PTPRT: variants seen among roughly 807,000 people sequenced by gnomAD.
The protein encoded by PTPRT is receptor-type tyrosine-protein phosphatase T.
PTPRT carries 56 observed loss-of-function variants against 176.8 expected under a neutral mutation model. The ratio of observed to expected loss-of-function variants is 0.32; its 90% CI spans 0.26 to 0.40. The LOEUF (loss-of-function observed/expected upper bound fraction) is 0.40. Ranked by LOEUF, PTPRT falls within the 10% of genes least tolerant of loss-of-function variation. The pLI is 1.00. For missense variants in PTPRT, 1,540 were observed against 1,908.2 expected, an observed-to-expected ratio of 0.81 and a Z score of 3.60; for synonymous variants, 783 against 739.0, an observed-to-expected ratio of 1.06 and a Z score of -0.96.
chr20:43,130,601 T>G (rs1568802897), intron 1 of PTPRT, among the ~76,000 whole-genome samples: 1 of 151,954 alleles, frequency 6.6e-6, no homozygotes, highest in African/African-American at 2.4e-5. Context: ...TTTTTACATA[T>G]TGAAAAAAAA....
intron 9 of PTPRT, among the ~76,000 whole-genome samples, chr20:42,390,344 G>A (rs757742446): frequency 6.6e-6 from 1 of 152,164 alleles, no homozygotes; most frequent in Non-Finnish European, 1.5e-5. Flanking sequence ...TTGATTAATT[G>A]ATTAAGGAAA....
Position 42,162,014 on chromosome 20 carries a change from T to G in PTPRT, c.2492-472A>C, listed in dbSNP as rs560541381. Among the ~76,000 whole-genome samples the G allele has an allele frequency of 1.1e-4, 17 of 152,294 alleles. No homozygotes were observed. In the South Asian group the frequency reaches 3.1e-3, roughly 28 times the overall value. ...TATAATTCTGGTCTATTTGCCTGCA[T>G]GGCTGTGACCTGGCTTCTCTACTAT... On this transcript the variant is annotated intron_variant, in intron 16 of 30. Transcript: ENST00000373187.
At chr20:43,020,433 G>C (rs1353010764) in intron 1 of PTPRT, among the ~76,000 whole-genome samples, 1 of 152,040 alleles carries the variant, frequency 6.6e-6, no homozygotes, top group Admixed American at 6.6e-5. Context: ...ATCAGGGAAA[G>C]GGAGGGACAA....
At chr20:42,757,829 T>C (rs768850465) in intron 5 of PTPRT, among the ~76,000 whole-genome samples, 8 of 152,192 alleles carry the variant, frequency 5.3e-5, no homozygotes, top group Non-Finnish European at 7.3e-5. Context: ...TTGCAGGTTA[T>C]GAGAACTGGT....
chr20:43,017,343 C>G (rs1175125296), intron 1 of PTPRT, among the ~76,000 whole-genome samples: 1 of 152,016 alleles, frequency 6.6e-6, no homozygotes, highest in African/African-American at 2.4e-5. Context: ...CCTTCCCTGT[C>G]TCTTCTCTCA....
intron 7 of PTPRT, among the ~76,000 whole-genome samples, chr20:42,666,261 T>C (rs1033627648): frequency 4.6e-5 from 7 of 152,194 alleles, no homozygotes; most frequent in African/African-American, 1.7e-4. Flanking sequence ...GTTGGCACTC[T>C]ATATGTATGA....
intron 12 of PTPRT, among the ~76,000 whole-genome samples, chr20:42,302,469 T>C (rs1311876902): frequency 6.6e-6 from 1 of 152,188 alleles, no homozygotes; most frequent in Non-Finnish European, 1.5e-5. Flanking sequence ...CCCCACTGTC[T>C]ACCTGGAAAA....
intron 1 of PTPRT, among the ~76,000 whole-genome samples, chr20:43,111,197 T>C (rs991198960): frequency 6.6e-6 from 1 of 152,034 alleles, no homozygotes. Flanking sequence ...CCACACAAGC[T>C]ATAGGAGTAA....
intron 5 of PTPRT, among the ~76,000 whole-genome samples, chr20:42,767,411 GTCT>G (rs2076998137): frequency 6.6e-6 from 1 of 151,904 alleles, no homozygotes; most frequent in Non-Finnish European, 1.5e-5. Flanking sequence ...TGGAACAGTG[GTCT>G]TCTCCTGAAC....
At chr20:42,425,252 T>C (rs1601002493) in intron 9 of PTPRT, among the ~76,000 whole-genome samples, 1 of 152,106 alleles carries the variant, frequency 6.6e-6, no homozygotes, top group South Asian at 2.1e-4. Flanking sequence ...AATGCAGTCA[T>C]TGCAATGACA....
chr20:42,290,060 T>G (rs2057294074), intron 12 of PTPRT, among the ~76,000 whole-genome samples: 1 of 152,052 alleles, frequency 6.6e-6, no homozygotes. Flanking sequence ...CTGGATACTC[T>G]GATATTTATC....
At chr20:43,007,088 G>GA (rs1426245688) in intron 1 of PTPRT, among the ~76,000 whole-genome samples, 4 of 152,148 alleles carry the variant, frequency 2.6e-5, no homozygotes, top group African/African-American at 7.2e-5. Context: ...AGTCTAGAGA[G>GA]AGACGATCAG....
chr20:43,169,583 T>A (rs1002293378), intron 1 of PTPRT, among the ~76,000 whole-genome samples: 1 of 152,210 alleles, frequency 6.6e-6, no homozygotes, highest in African/African-American at 2.4e-5. Context: ...GTCATCCTAA[T>A]CCAAGAGTCA....
chr20:42,971,712 C>T (rs909166884), intron 1 of PTPRT, among the ~76,000 whole-genome samples: 1 of 152,216 alleles, frequency 6.6e-6, no homozygotes, highest in Non-Finnish European at 1.5e-5. Context: ...GGATACCAGG[C>T]TCCGTTGCAC....
At chr20:42,375,684 G>A (rs910371104) in intron 9 of PTPRT, among the ~76,000 whole-genome samples, 3 of 152,108 alleles carry the variant, frequency 2.0e-5, no homozygotes, top group African/African-American at 7.2e-5. Flanking sequence ...TGGTAACCAA[G>A]TAAACCGATA....
At chr20:42,424,041 A>T (rs1212478105) in intron 9 of PTPRT, among the ~76,000 whole-genome samples, 1 of 152,208 alleles carries the variant, frequency 6.6e-6, no homozygotes, top group Non-Finnish European at 1.5e-5. Context: ...CTTGTGCTAA[A>T]CTGTGACTTA....
chr20:42,581,822 G>C (rs989946109), intron 7 of PTPRT, among the ~76,000 whole-genome samples: 4 of 152,182 alleles, frequency 2.6e-5, no homozygotes, highest in Admixed American at 2.6e-4. Flanking sequence ...GAGGTTGAAG[G>C]GGGAGGGTGC....
At chr20:42,209,658 G>A (rs1051219706) in intron 15 of PTPRT, among the ~76,000 whole-genome samples, 5 of 152,090 alleles carry the variant, frequency 3.3e-5, no homozygotes, top group Non-Finnish European at 5.9e-5. Context: ...ATAATCAATA[G>A]CTTACCAACC....
intron 9 of PTPRT, among the ~76,000 whole-genome samples, chr20:42,396,456 T>C (rs1049324622): frequency 6.6e-6 from 1 of 151,900 alleles, no homozygotes; most frequent in Admixed American, 6.6e-5. Flanking sequence ...ACATGATCCA[T>C]TTAAACAAAA....
Sources: gnomAD v4.1 joint callset for allele counts (sites outside exome capture counted in the v4.1 genomes callset) on GRCh38, gnomAD v4.1.1 for gene constraint, MANE v1.5 for transcripts, NCBI Gene and HGNC (gene_info 2026-07-23, HGNC 2026-07-21) for gene names.